Variants in CALD1 observed in about 807,000 individuals in gnomAD.
The protein encoded by CALD1 is caldesmon 1.
Under a neutral mutation model 99.9 loss-of-function variants are expected in CALD1, and 33 were observed. The observed-to-expected ratio is 0.33, with a 90% CI of 0.25 to 0.44. The LOEUF is 0.44. CALD1 is among the 20% of genes least tolerant of loss of function. The pLI is 1.00. For missense variants in CALD1, 861 were observed against 962.1 expected (o/e 0.89, Z 1.39); for synonymous variants, 310 against 325.0 (o/e 0.95, Z 0.50).
chr7:134,835,772 T>C (rs920256388), intron 1 of CALD1, among the ~76,000 whole-genome samples: 1 of 152,124 alleles, frequency 6.6e-6, no homozygotes, highest in Non-Finnish European at 1.5e-5. Context: ...TCTAATAGCA[T>C]TAAAGAGGTT....
chr7:134,947,785 GC>G lies in CALD1; in HGVS notation c.1794+19del, dbSNP rs776668762. The G allele has an allele frequency of 6.2e-7, 1 of 1,607,118 alleles. No individual in the cohort carries two copies. Among genetic ancestry groups the G allele is most frequent in the South Asian group, 1.1e-5 (1 of 90,728 alleles). On this transcript the variant is annotated intron_variant, in intron 8 of 14. Transcript: ENST00000361675. ...CAGAGAGGAGGTAAGGCGGGCGCTA[GC>G]CCACTGAGAACGTTGCCCGGGAAAA...
At chr7:134,734,698 T>C in the CALD1 span, among the ~76,000 whole-genome samples, 1 of 152,038 alleles carries the variant, frequency 6.6e-6, no homozygotes, top group South Asian at 2.1e-4. Flanking sequence ...AAATGGGAGC[T>C]CCCCTGCACA....
chr7:134,711,660 C>CTCTCTATATATA, the CALD1 span, among the ~76,000 whole-genome samples: 19 of 78,338 alleles, frequency 2.4e-4, 1 homozygote, highest in African/African-American at 8.6e-4. Flanking sequence ...CTCTCTCTCT[C>CTCTCTATATATA]TATATATATA....
upstream of CALD1, among the ~76,000 whole-genome samples, chr7:134,776,394 T>C (rs1180385911): frequency 6.6e-6 from 1 of 152,200 alleles, no homozygotes; most frequent in Admixed American, 6.5e-5. Flanking sequence ...TTTTCTTTTT[T>C]CTACTTCTCT....
the CALD1 span, among the ~76,000 whole-genome samples, chr7:134,714,636 T>C: frequency 2.0e-5 from 3 of 152,206 alleles, no homozygotes; most frequent in Non-Finnish European, 2.9e-5. Context: ...CCTTGCACAA[T>C]AGAGCTAGCT....
intron 1 of CALD1, among the ~76,000 whole-genome samples, chr7:134,824,333 C>T (rs904504240): frequency 6.6e-6 from 1 of 152,148 alleles, no homozygotes; most frequent in African/African-American, 2.4e-5. Context: ...CTAAATAATC[C>T]AACCATTTTT....
At chr7:134,878,499 G>A (rs1801451622) in intron 3 of CALD1, among the ~76,000 whole-genome samples, 1 of 152,084 alleles carries the variant, frequency 6.6e-6, no homozygotes, top group African/African-American at 2.4e-5. Flanking sequence ...AAACCAGGAG[G>A]CAGAGGTTGC....
At position 134,749,138 on chromosome 7, in the gene CALD1, T is replaced by C. The variant is rs564057199; in HGVS notation, c.-130+4775T>C. On this transcript the variant is annotated intron_variant, in intron 1 of 13. Transcript: ENST00000417172. ...CTCAAATGGAATAAGACAACCCAGT[T>C]TGGACTTTCTGGAAAGAGGAATCTA... 4.3e-4 allele frequency among the ~76,000 whole-genome samples: 65 copies of C among 152,326 alleles called. 1 individual carries two copies. Among genetic ancestry groups the C allele is most frequent in the African/African-American group, 1.4e-3 (60 of 41,574 alleles).
intron 1 of CALD1, among the ~76,000 whole-genome samples, chr7:134,803,699 T>A (rs1670374037): frequency 1.7e-5 from 1 of 59,950 alleles, no homozygotes; most frequent in African/African-American, 8.7e-5. Context: ...GGGTCTAATT[T>A]TTTTTTTTTT....
chr7:134,861,978 G>A (rs1689881724), intron 2 of CALD1, among the ~76,000 whole-genome samples: 1 of 152,188 alleles, frequency 6.6e-6, no homozygotes, highest in South Asian at 2.1e-4. Flanking sequence ...CGAGGATACA[G>A]CCATCCTGAG....
intron 3 of CALD1, among the ~76,000 whole-genome samples, chr7:134,897,113 T>C (rs1542309): frequency 0.63 from 96,475 of 151,954 alleles, 30,942 homozygotes; most frequent in East Asian, 0.9. Context: ...TTAGAAAATC[T>C]GTAAACCTCA....
chr7:134,742,309 A>G (rs1048812215), upstream of CALD1, among the ~76,000 whole-genome samples: 4 of 152,224 alleles, frequency 2.6e-5, no homozygotes, highest in Non-Finnish European at 5.9e-5. Context: ...CCTAACAGTA[A>G]CGATGAAAAT....
At chr7:134,724,727 G>A in the CALD1 span, among the ~76,000 whole-genome samples, 1 of 152,192 alleles carries the variant, frequency 6.6e-6, no homozygotes, top group Non-Finnish European at 1.5e-5. Flanking sequence ...TTCATTGCTT[G>A]TGAAACAGGT....
chr7:134,833,880 A>T (rs1799327689), intron 1 of CALD1, among the ~76,000 whole-genome samples: 1 of 152,206 alleles, frequency 6.6e-6, no homozygotes, highest in Non-Finnish European at 1.5e-5. Context: ...TGAGATAGGA[A>T]TAGTAGAAGA....
At chr7:134,893,651 C>G (rs1802361180) in intron 3 of CALD1, among the ~76,000 whole-genome samples, 2 of 152,182 alleles carry the variant, frequency 1.3e-5, no homozygotes, top group East Asian at 3.8e-4. Flanking sequence ...CTGCAAGGCC[C>G]TGATCAAATG....
chr7:134,857,158 CTTTTTTTT>C (rs59210460), intron 2 of CALD1, among the ~76,000 whole-genome samples: 17 of 75,370 alleles, frequency 2.3e-4, no homozygotes, highest in Middle Eastern at 9.6e-3. Context: ...TTGCGCTATT[CTTTTTTTT>C]TTTTTTTTTT....
chr7:134,893,078 G>GTC (rs933386167), intron 3 of CALD1, among the ~76,000 whole-genome samples: 4 of 152,186 alleles, frequency 2.6e-5, no homozygotes, highest in African/African-American at 9.7e-5. Flanking sequence ...CTGGCTGGCT[G>GTC]TCTCTCTCTC....
At chr7:134,928,197 C>T (rs187378001) in intron 3 of CALD1, 9 of 173,774 alleles carry the variant, frequency 5.2e-5, no homozygotes, top group South Asian at 1.0e-4. Context: ...TTTGGGAGGC[C>T]GAGGCGGGCG....
At chr7:134,801,599 G>A (rs1488906767) in intron 1 of CALD1, among the ~76,000 whole-genome samples, 1 of 152,050 alleles carries the variant, frequency 6.6e-6, no homozygotes, top group African/African-American at 2.4e-5. Context: ...GTACATTGAA[G>A]AAATCACATT....
Sources: gnomAD v4.1 joint callset for allele counts (sites outside exome capture counted in the v4.1 genomes callset) on GRCh38, gnomAD v4.1.1 for gene constraint, MANE v1.5 for transcripts, NCBI Gene and HGNC (gene_info 2026-07-23, HGNC 2026-07-21) for gene names.